Variants in RAI1 observed in about 807,000 individuals in gnomAD.
RAI1 encodes the protein retinoic acid-induced protein 1.
A neutral mutation model predicts 123.8 loss-of-function variants in RAI1; 9 were observed. That is an observed-to-expected ratio of 0.07 (90% CI 0.04 to 0.13). The LOEUF (loss-of-function observed/expected upper bound fraction) is 0.13, where lower values mean the gene tolerates loss of function less well. RAI1 is among the 10% of genes least tolerant of loss of function. The pLI is 1.00. For synonymous variants in RAI1, 1,231 were observed against 1,127.3 expected (o/e 1.09, Z -1.84); for missense variants, 2,256 against 2,545.8 (o/e 0.89, Z 2.45).
At chr17:17,772,674 C>T (rs900876814) in intron 2 of RAI1, among the ~76,000 whole-genome samples, 31 of 152,196 alleles carry the variant, frequency 2.0e-4, no homozygotes, top group Non-Finnish European at 7.3e-5. Context: ...CCGGCACATC[C>T]CCTAGGTCTC....
At chr17:17,803,056 C>G (rs949561173) in intron 3 of RAI1, among the ~76,000 whole-genome samples, 2 of 150,420 alleles carry the variant, frequency 1.3e-5, no homozygotes, top group Non-Finnish European at 3.0e-5. Context: ...TGCACTCCAG[C>G]CCCGGGGGGA....
intron 2 of RAI1, among the ~76,000 whole-genome samples, chr17:17,744,955 C>T (rs1381776707): frequency 1.3e-5 from 2 of 152,146 alleles, no homozygotes; most frequent in Admixed American, 1.3e-4. Context: ...TGTGTACCTA[C>T]TGTGTGCTGA....
chr17:17,684,698 A>ATG (rs1567817716), intron 1 of RAI1: 4 of 93,968 alleles, frequency 4.3e-5, no homozygotes, highest in Non-Finnish European at 6.7e-5. Flanking sequence ...ATATATATAT[A>ATG]TATATATATG....
chr17:17,797,777 T>C lies in RAI1; in HGVS notation c.4829T>C (p.Ile1610Thr), dbSNP rs1047795500. The change falls in exon 3 of 6, where the codon ATA becomes ACA. Residue 1610 changes from isoleucine to threonine, a missense_variant. By Grantham distance (89) the Ile-to-Thr change is moderately conservative (BLOSUM62 -1). This residue lies in a region of RAI1 where 410 missense variants were observed against 374.6 expected (regional missense o/e 1.09). Coordinates refer to ENST00000353383, the MANE Select transcript of RAI1 (RefSeq NM_030665.4). Reference protein sequence around the residue: ...RVEKRDAFTTICTVVNSPGDA... With the variant: ...RVEKRDAFTTTCTVVNSPGDA... ...GAGAAGCGAGACGCGTTCACCACCA[T>C]ATGCACTGTTGTCAACTCCCCTGGA... The C allele has an allele frequency of 4.3e-6, 7 of 1,613,964 alleles. No homozygotes were observed. Among genetic ancestry groups the C allele is most frequent in the East Asian group, 2.2e-5 (1 of 44,880 alleles).
rs2032260479 is a variant in RAI1, at chr17:17,796,612, C to T, written c.3664C>T (p.Leu1222Phe). 1 of 1,612,330 alleles carries T rather than the reference C, an allele frequency of 6.2e-7. No homozygotes were observed. Among genetic ancestry groups the T allele is most frequent in the East Asian group, 2.2e-5 (1 of 44,874 alleles). The change falls in exon 3 of 6, where the codon CTC becomes TTC. Residue 1222 changes from leucine to phenylalanine, a missense_variant. Physicochemically the swap from Leu to Phe is conservative, Grantham distance 22 (BLOSUM62 0). Around this residue, in one of 7 missense-constraint regions of RAI1, gnomAD observed 322 missense variants for 358.0 expected, o/e 0.90. Transcript: ENST00000353383. The surrounding 1 kb of genome is among the most constrained non-coding windows in gnomAD (Gnocchi z 5.8). ...GCTCTCTGACCGGCCCCTCCATGCG[C>T]TCAAAAGGAAGTCGGCCTTCATGGC... Reference protein sequence around the residue: ...SKLSDRPLHALKRKSAFMAPV... With the variant: ...SKLSDRPLHAFKRKSAFMAPV...
rs1195611852 is a variant in RAI1 at position 17,811,394 on chromosome 17, T to C, written c.*1413T>C. On this transcript the variant is annotated 3_prime_UTR_variant, in exon 6 of 6. Coordinates refer to ENST00000353383, the MANE Select transcript of RAI1 (RefSeq NM_030665.4). ...TTTCCTTAAGAGTAAAAAACAGTCATTGCATTCAGAAAAAAAAAAAAAAAA... is the reference window on the plus strand; with the variant it reads ...TTTCCTTAAGAGTAAAAAACAGTCACTGCATTCAGAAAAAAAAAAAAAAAA... 5.0e-6 allele frequency: 1 copy of C among 199,778 alleles called. No individual in the cohort carries two copies. The highest frequency in any genetic ancestry group is 3.6e-5 in the African/African-American group (1 of 27,936). 12.4% of individuals were successfully genotyped at this position (199,778 alleles called of 1,614,324 possible).
intron 2 of RAI1, among the ~76,000 whole-genome samples, chr17:17,753,531 G>T (rs1336426789): frequency 6.6e-6 from 1 of 152,186 alleles, no homozygotes; most frequent in Non-Finnish European, 1.5e-5. Context: ...AACACCAAAA[G>T]AAAATGCAAT....
chr17:17,723,348 CCCA>C (rs1405990442), intron 1 of RAI1, among the ~76,000 whole-genome samples: 3 of 150,524 alleles, frequency 2.0e-5, no homozygotes, highest in African/African-American at 4.9e-5. Context: ...GACCCCCCCC[CCCA>C]AGCCCCGTGA....
chr17:17,804,497 C>G (rs1218961694), intron 4 of RAI1, among the ~76,000 whole-genome samples: 2 of 152,220 alleles, frequency 1.3e-5, no homozygotes, highest in Non-Finnish European at 2.9e-5. Flanking sequence ...GAGCCCTTAC[C>G]TTTATCGACC....
intron 2 of RAI1, among the ~76,000 whole-genome samples, chr17:17,754,261 A>G (rs1186283168): frequency 7.4e-6 from 1 of 134,490 alleles, no homozygotes; most frequent in African/African-American, 3.0e-5. Flanking sequence ...CTAGAGTGCA[A>G]TGGCGCGATC....
Position 17,796,772 on chromosome 17 carries a change from C to T in RAI1, c.3824C>T (p.Ser1275Phe). Residue 1275 changes from serine to phenylalanine, a missense_variant, in exon 3 of 6, where the codon TCT (serine) becomes TTT (phenylalanine). By Grantham distance (155) the Ser-to-Phe change is radical (BLOSUM62 -2). Coordinates refer to ENST00000353383, the MANE Select transcript of RAI1 (RefSeq NM_030665.4). This position sits in a 1 kb window ranked among gnomAD's most constrained non-coding sequence, Gnocchi z 5.8. ...GSPTLFKRMS[S>F]PKKAKPTKGN... ...CCCACCCTCTTCAAGAGGATGTCTT[C>T]TCCCAAGAAAGCCAAGCCCACCAAG... The T allele has an allele frequency of 6.2e-7, 1 of 1,613,134 alleles. No individual in the cohort carries two copies. The highest frequency in any genetic ancestry group is 2.2e-5 in the East Asian group (1 of 44,870).
chr17:17,774,957 C>T lies in RAI1; in HGVS notation c.-16-17976C>T, dbSNP rs566547782. On this transcript the variant is annotated intron_variant, in intron 2 of 5. Transcript: ENST00000353383. ...TGGGGATTTGGACCTAGACAGGGAGCCTCCCTACCAATCAGGCCTTCAGGG... is the reference window on the plus strand; with the variant it reads ...TGGGGATTTGGACCTAGACAGGGAGTCTCCCTACCAATCAGGCCTTCAGGG... Among the ~76,000 whole-genome samples, 5 of 152,296 alleles carry T rather than the reference C, an allele frequency of 3.3e-5. No homozygotes were observed. In the East Asian group the frequency reaches 7.7e-4, roughly 24 times the overall value.
intron 1 of RAI1, among the ~76,000 whole-genome samples, chr17:17,698,708 G>A (rs1375420573): frequency 6.6e-6 from 1 of 152,230 alleles, no homozygotes; most frequent in Non-Finnish European, 1.5e-5. Flanking sequence ...AGCTGTGAGT[G>A]GGCATGAGAG....
rs1429491738 is a variant in RAI1 at position 17,795,204 on chromosome 17, G to T, written c.2256G>T (p.Gly752=). ...TTGCCTGGCCAGAGGAAAACCTGGG[G>T]GATGCTTGTCCCAGGTGGGGATTGC... ...NPFAWPEENL[G]DACPRWGLHP... Residue 752 remains glycine, a synonymous_variant, in exon 3 of 6, where the codon GGG becomes GGT. Transcript: ENST00000353383. The surrounding 1 kb of genome is among the most constrained non-coding windows in gnomAD (Gnocchi z 5.9). 6.2e-7 allele frequency: 1 copy of T among 1,614,018 alleles called. No individual in the cohort carries two copies. The highest frequency in any genetic ancestry group is 2.2e-5 in the East Asian group (1 of 44,878).
At position 17,810,112 on chromosome 17, in the gene RAI1, C is replaced by A; in HGVS notation, c.*131C>A. The stretch of plus-strand genomic sequence containing the variant: ...CGCTGGTCCAGAGCCGATCCTTGAT[C>A]CGGGTCCCGGATCGTGGATCCGGCC... On this transcript the variant is annotated 3_prime_UTR_variant, in exon 6 of 6. Transcript: ENST00000353383. This position sits in a 1 kb window ranked among gnomAD's most constrained non-coding sequence, Gnocchi z 4.6. 7.8e-7 allele frequency: 1 copy of A among 1,288,076 alleles called. No individual in the cohort carries two copies. Among genetic ancestry groups the A allele is most frequent in the Non-Finnish European group, 1.0e-6 (1 of 959,858 alleles). 79.8% of individuals were successfully genotyped at this position (1,288,076 alleles called of 1,614,324 possible). A position where few individuals can be genotyped will look rare whatever the true frequency, so the allele number is the denominator to read the frequency against.
intron 1 of RAI1, among the ~76,000 whole-genome samples, chr17:17,721,012 C>A (rs976794374): frequency 6.6e-6 from 1 of 152,060 alleles, no homozygotes; most frequent in Admixed American, 6.5e-5. Flanking sequence ...TCCCTCTACA[C>A]CCATCCCCAG....
chr17:17,705,139 C>G (rs978143319), intron 1 of RAI1, among the ~76,000 whole-genome samples: 6 of 152,226 alleles, frequency 3.9e-5, no homozygotes, highest in African/African-American at 1.4e-4. Context: ...CACATCCTGA[C>G]TGATTCTTCA....
chr17:17,753,861 T>C (rs904850053), intron 2 of RAI1, among the ~76,000 whole-genome samples: 11 of 152,224 alleles, frequency 7.2e-5, no homozygotes, highest in African/African-American at 2.4e-4. Context: ...AAGTCTAGAC[T>C]GGAGGAACTG....
intron 1 of RAI1, chr17:17,684,704 A>ATG (rs58195520): frequency 0.015 from 1,763 of 118,772 alleles, 19 homozygotes; most frequent in African/African-American, 0.032. Flanking sequence ...ATATATATAT[A>ATG]TATGTATGTA....
Sources: allele counts gnomAD v4.1 joint callset (sites outside exome capture counted in the v4.1 genomes callset), GRCh38; gene constraint gnomAD v4.1.1; regional missense constraint gnomAD v4.1.1; non-coding constraint Gnocchi (gnomAD v3.1); transcripts MANE v1.5; gene names NCBI Gene and HGNC (gene_info 2026-07-23, HGNC 2026-07-21).